The following EXOC6B variants were observed in gnomAD, a reference collection of about 807,000 sequenced individuals.
The protein encoded by EXOC6B is exocyst complex component 6B.
A neutral mutation model predicts 113.5 loss-of-function variants in EXOC6B; 54 were observed. The ratio of observed to expected loss-of-function variants is 0.48; its 90% CI spans 0.38 to 0.60. The LOEUF (loss-of-function observed/expected upper bound fraction) is 0.60, where lower values mean the gene tolerates loss of function less well. EXOC6B is among the 20% of genes least tolerant of loss of function. The pLI is 0.00. For missense variants in EXOC6B, 797 were observed against 977.5 expected, an observed-to-expected ratio of 0.82 and a Z score of 2.46; for synonymous variants, 357 against 339.0, an observed-to-expected ratio of 1.05 and a Z score of -0.58.
chr2:72,266,151 T>C (rs1293713519), intron 20 of EXOC6B, among the ~76,000 whole-genome samples: 1 of 152,128 alleles, frequency 6.6e-6, no homozygotes, highest in African/African-American at 2.4e-5. Context: ...ATTCTGGATA[T>C]TAGCCCTTTG....
intron 21 of EXOC6B, chr2:72,183,046 C>G (rs1233361298): frequency 7.0e-6 from 3 of 431,592 alleles, no homozygotes; most frequent in Non-Finnish European, 7.8e-6. Context: ...GCATCATGCT[C>G]TTGCCTACCC....
chr2:72,245,334 T>C (rs959690333), intron 20 of EXOC6B, among the ~76,000 whole-genome samples: 3 of 152,132 alleles, frequency 2.0e-5, no homozygotes, highest in African/African-American at 7.2e-5. Flanking sequence ...TCCATGCAAA[T>C]ATAGTAAACT....
At chr2:72,816,826 A>G (rs1452190908) in intron 1 of EXOC6B, among the ~76,000 whole-genome samples, 1 of 152,232 alleles carries the variant, frequency 6.6e-6, no homozygotes, top group African/African-American at 2.4e-5. Flanking sequence ...CTAATCAATC[A>G]GATAACAAAT....
At chr2:72,554,588 CAATTAT>C (rs1703429915) in intron 8 of EXOC6B, among the ~76,000 whole-genome samples, 1 of 152,150 alleles carries the variant, frequency 6.6e-6, no homozygotes, top group Non-Finnish European at 1.5e-5. Context: ...CCTTTCACCA[CAATTAT>C]AAGTTTCCTG....
chr2:72,199,896 T>C (rs1414031449), intron 20 of EXOC6B, among the ~76,000 whole-genome samples: 1 of 152,138 alleles, frequency 6.6e-6, no homozygotes, highest in Non-Finnish European at 1.5e-5. Context: ...GGGAGGTTTT[T>C]ATTTTTATTT....
At chr2:72,599,304 A>G (rs1178760033) in intron 6 of EXOC6B, among the ~76,000 whole-genome samples, 2 of 152,122 alleles carry the variant, frequency 1.3e-5, no homozygotes, top group Non-Finnish European at 1.5e-5. Context: ...AAAGACAAAA[A>G]AGATCATATC....
intron 14 of EXOC6B, among the ~76,000 whole-genome samples, chr2:72,496,211 T>C (rs1237510176): frequency 6.6e-6 from 1 of 152,138 alleles, no homozygotes; most frequent in Non-Finnish European, 1.5e-5. Context: ...TCAGAGGTAA[T>C]AGGATCCAAA....
chr2:72,521,400 C>T (rs1453816072), intron 8 of EXOC6B, among the ~76,000 whole-genome samples: 3 of 152,136 alleles, frequency 2.0e-5, no homozygotes, highest in African/African-American at 7.2e-5. Context: ...GACTAAGACA[C>T]TGGCTAATGT....
chr2:72,210,312 G>A (rs1008824715), intron 20 of EXOC6B, among the ~76,000 whole-genome samples: 1 of 152,186 alleles, frequency 6.6e-6, no homozygotes, highest in African/African-American at 2.4e-5. Context: ...ACATATTTAA[G>A]TCAATCGAAA....
chr2:72,346,741 T>G (rs2104927142), intron 19 of EXOC6B, among the ~76,000 whole-genome samples: 1 of 152,300 alleles, frequency 6.6e-6, no homozygotes, highest in South Asian at 2.1e-4. Flanking sequence ...ATGTGGTTCC[T>G]TATGAAGGAG....
chr2:72,433,217 G>A lies in EXOC6B; in HGVS notation c.1980+31943C>T, dbSNP rs1283143429. 2.0e-5 allele frequency among the ~76,000 whole-genome samples: 3 copies of A among 152,022 alleles called. No homozygotes were observed. In the East Asian group the frequency reaches 5.8e-4, roughly 29 times the overall value. On this transcript the variant is annotated intron_variant, in intron 18 of 21. Transcript: ENST00000272427. ...CAGGTTTGTCACAGAACAGATGGTT[G>A]TAGATGTGTGGTGTTATTTCTGAGG... is the stretch of plus-strand genomic sequence containing the variant.
At position 72,601,124 on chromosome 2, in the gene EXOC6B, ATGTGTGTGTGTG is replaced by A. The variant is rs61668760; in HGVS notation, c.670-25468_670-25457del. On this transcript the variant is annotated intron_variant, in intron 6 of 21. Transcript: ENST00000272427. ...TACATATATATATATGTGTGTGTGT[ATGTGTGTGTGTG>A]TGTGTGTGTGTGTGTGTGTGTGTGT... Among the ~76,000 whole-genome samples the A allele has an allele frequency of 3.0e-3, 419 of 138,676 alleles. 5 individuals carry two copies. The highest frequency in any genetic ancestry group is 8.8e-3 in the African/African-American group (325 of 36,752). The allele number at this position is 138,676 out of a possible 152,430, so 91.0% of individuals were successfully genotyped here.
At chr2:72,570,358 A>T (rs1156997312) in intron 7 of EXOC6B, among the ~76,000 whole-genome samples, 5 of 152,206 alleles carry the variant, frequency 3.3e-5, no homozygotes, top group African/African-American at 1.2e-4. Context: ...GCATTTTGTT[A>T]TGGTAGCCCT....
At chr2:72,187,300 TC>T in intron 20 of EXOC6B, among the ~76,000 whole-genome samples, 1 of 151,916 alleles carries the variant, frequency 6.6e-6, no homozygotes, top group Non-Finnish European at 1.5e-5. Flanking sequence ...CTTCTCTCCT[TC>T]TCTTCACCCA....
At chr2:72,182,805 G>C (rs1485806543) in intron 21 of EXOC6B, 1 of 934,562 alleles carries the variant, frequency 1.1e-6, no homozygotes, top group Non-Finnish European at 1.4e-6. Context: ...AGAGGCTAGG[G>C]ATTTTAGTGT....
intron 8 of EXOC6B, among the ~76,000 whole-genome samples, chr2:72,536,464 T>C (rs940910451): frequency 1.3e-5 from 2 of 152,218 alleles, no homozygotes; most frequent in African/African-American, 4.8e-5. Context: ...TTCAATCATA[T>C]GTAAATACCA....
rs1429760438 is a variant in EXOC6B at position 72,575,764 on chromosome 2, C to T, written c.670-96G>A. On this transcript the variant is annotated intron_variant, in intron 6 of 21. Transcript: ENST00000272427. ...AGAAAAGAAACAAAACTTAATTAAG[C>T]TTTCAACAAACTTCTAATTTTGAAC... 6.0e-6 allele frequency: 7 copies of T among 1,161,348 alleles called. No homozygotes were observed. In the South Asian group the frequency reaches 6.1e-5, roughly 10 times the overall value. The allele number at this position is 1,161,348 out of a possible 1,614,324, so 71.9% of individuals were successfully genotyped here. A position where few individuals can be genotyped will look rare whatever the true frequency, so the allele number is the denominator to read the frequency against.
chr2:72,510,504 AT>A (rs1451390865), intron 11 of EXOC6B, among the ~76,000 whole-genome samples: 1 of 151,712 alleles, frequency 6.6e-6, no homozygotes, highest in African/African-American at 2.4e-5. Context: ...AAATGAATCA[AT>A]TAAAAATAAT....
At chr2:72,309,005 T>C (rs1184176539) in intron 20 of EXOC6B, among the ~76,000 whole-genome samples, 1 of 152,024 alleles carries the variant, frequency 6.6e-6, no homozygotes, top group Non-Finnish European at 1.5e-5. Flanking sequence ...ACAAATCAGA[T>C]AGAAATGAGA....
Sources: allele counts gnomAD v4.1 joint callset (sites outside exome capture counted in the v4.1 genomes callset), GRCh38; gene constraint gnomAD v4.1.1; transcripts MANE v1.5; gene names NCBI Gene and HGNC (gene_info 2026-07-23, HGNC 2026-07-21).